MAST3: variants seen among roughly 807,000 people sequenced by gnomAD.
The protein encoded by MAST3 is microtubule-associated serine/threonine-protein kinase 3.
In MAST3, 43 loss-of-function variants were observed where a neutral mutation model predicts 127.0. The observed-to-expected ratio is 0.34, with a 90% CI of 0.27 to 0.44. The LOEUF (loss-of-function observed/expected upper bound fraction) is 0.44, where lower values mean the gene tolerates loss of function less well. Ranked by LOEUF, MAST3 falls within the 20% of genes least tolerant of loss-of-function variation. MAST3 has a pLI of 1.00. For missense variants in MAST3, 1,390 were observed against 1,919.1 expected, an observed-to-expected ratio of 0.72 and a Z score of 5.15; for synonymous variants, 785 against 809.2, an observed-to-expected ratio of 0.97 and a Z score of 0.51.
chr19:18,134,736 C>T, intron 16 of MAST3, 25 bp downstream of exon 16: 2 of 1,612,892 alleles, frequency 1.2e-6, no homozygotes, highest in South Asian at 2.2e-5. Context: ...GGGTGGGCAG[C>T]CCCGGGATGC....
intron 1 of MAST3, among the ~76,000 whole-genome samples, chr19:18,101,365 C>A (rs1392649876): frequency 2.4e-5 from 3 of 123,240 alleles, no homozygotes. Flanking sequence ...TCCTCCTTCT[C>A]CTTCTCCTCC....
At chr19:18,099,118 G>T (rs1030839366) in intron 1 of MAST3, among the ~76,000 whole-genome samples, 2 of 151,736 alleles carry the variant, frequency 1.3e-5, no homozygotes, top group East Asian at 3.9e-4. Flanking sequence ...GGTTGAGGGG[G>T]TGAGAGGAAT....
In MAST3 at chr19:18,146,884, G is replaced by A. The variant is rs556258893; in HGVS notation, c.3166G>A (p.Gly1056Ser). 73 of 1,552,246 alleles carry A rather than the reference G, an allele frequency of 4.7e-5. No homozygotes were observed. The South Asian group carries it at 5.6e-4, about 12-fold the overall frequency. The stretch of plus-strand genomic sequence containing the variant: ...CCCCTCACCATCCCTCCCGCAGAGC[G>A]GCAACAAGATATCCCTGCGGACCAC... Reference protein sequence around the residue: ...MDVVELLLKSGNKISLRTTAL... With the variant: ...MDVVELLLKSSNKISLRTTAL... Residue 1056 changes from glycine (G) to serine (S), a missense_variant, in exon 26 of 28, where the codon GGC (glycine) becomes AGC (serine). Physicochemically the swap from Gly to Ser is moderately conservative, Grantham distance 56. This residue lies in a region of MAST3 where 816 missense variants were observed against 934.1 expected (regional missense o/e 0.87). Transcript: ENST00000687212.
intron 1 of MAST3, among the ~76,000 whole-genome samples, chr19:18,107,141 T>A (rs1473642212): frequency 6.6e-6 from 1 of 151,638 alleles, no homozygotes; most frequent in Non-Finnish European, 1.5e-5. Flanking sequence ...TTTTAAAAAG[T>A]TTTGTAGAGA....
At chr19:18,106,990 TTTTTTTG>T (rs2038128257) in intron 1 of MAST3, among the ~76,000 whole-genome samples, 1 of 108,224 alleles carries the variant, frequency 9.2e-6, no homozygotes, top group African/African-American at 3.4e-5. Context: ...TTTTTTTTTT[TTTTTTTG>T]TAGAGACGGG....
chr19:18,142,632 G>T (rs1166072782), intron 21 of MAST3, among the ~76,000 whole-genome samples: 2 of 151,198 alleles, frequency 1.3e-5, no homozygotes, highest in Non-Finnish European at 2.9e-5. Context: ...TTACAGGCGT[G>T]AGCCAATGTG....
Position 18,150,890 on chromosome 19 carries a change from C to A in MAST3, c.*1164C>A, listed in dbSNP as rs1264750796. 1 of 152,296 alleles carries A rather than the reference C, an allele frequency of 6.6e-6. No individual in the cohort carries two copies. The highest frequency in any genetic ancestry group is 1.5e-5 in the Non-Finnish European group (1 of 68,098). The allele number at this position is 152,296 out of a possible 1,614,324, so 9.4% of individuals were successfully genotyped here. A position where few individuals can be genotyped will look rare whatever the true frequency, so the allele number is the denominator to read the frequency against. On this transcript the variant is annotated 3_prime_UTR_variant, in exon 28 of 28. Coordinates refer to ENST00000687212, the MANE Select transcript of MAST3 (RefSeq NM_001393504.1). ...ATGCTCGGCTGTCTCGGGGCACGCTCCAGTATGCCAGTCCTGCGGGATTAC... is the reference window on the plus strand; with the variant it reads ...ATGCTCGGCTGTCTCGGGGCACGCTACAGTATGCCAGTCCTGCGGGATTAC...
rs2043152634 is a variant in MAST3 at position 18,147,511 on chromosome 19, C to T, written c.3395C>T (p.Ser1132Phe). The T allele has an allele frequency of 6.2e-7, 1 of 1,612,428 alleles. No individual in the cohort carries two copies. The highest frequency in any genetic ancestry group is 8.5e-7 in the Non-Finnish European group (1 of 1,179,210). Residue 1132 changes from serine to phenylalanine, a missense_variant, in exon 27 of 28, where the codon TCC (serine) becomes TTC (phenylalanine). This residue lies in a region of MAST3 where 816 missense variants were observed against 934.1 expected (regional missense o/e 0.87). Transcript: ENST00000687212. ...CTGCACACCAGCCGCAGCTTCTCCTCCGGACTCCACCACTCACTGTCATCC... is the reference window on the plus strand; with the variant it reads ...CTGCACACCAGCCGCAGCTTCTCCTTCGGACTCCACCACTCACTGTCATCC... The part of the protein sequence containing the change: ...SVLHTSRSFS[S>F]GLHHSLSSSE...
Position 18,143,864 on chromosome 19 carries a change from C to CA in MAST3, c.2443dup (p.Met815AsnfsTer11). 1 of 1,613,968 alleles carries CA rather than the reference C, an allele frequency of 6.2e-7. No individual in the cohort carries two copies. Among genetic ancestry groups the CA allele is most frequent in the East Asian group, 2.2e-5 (1 of 44,874 alleles). ...CTCCTGAATACCATCAGCCTGGACA[C>CA]AATGCCCAAGTTTGCCTTCTCATCA... On this transcript the variant is annotated frameshift_variant, in exon 22 of 28. Coordinates refer to ENST00000687212, the MANE Select transcript of MAST3 (RefSeq NM_001393504.1). LOFTEE classifies it high-confidence loss of function.
intron 26 of MAST3, 31 bp downstream of exon 26, chr19:18,147,075 G>C: frequency 7.0e-7 from 1 of 1,436,502 alleles, no homozygotes; most frequent in Non-Finnish European, 9.2e-7. Flanking sequence ...CGGGGACTGG[G>C]GTTCTTTTTT....
chr19:18,146,043 C>T (rs1437322537), intron 25 of MAST3, among the ~76,000 whole-genome samples, 178 bp downstream of exon 25: 1 of 152,228 alleles, frequency 6.6e-6, no homozygotes, highest in Non-Finnish European at 1.5e-5. Context: ...CCCAACATCA[C>T]CCCTTAGAGC....
intron 27 of MAST3, among the ~76,000 whole-genome samples, chr19:18,148,964 G>C (rs979332016): frequency 2.0e-5 from 3 of 151,998 alleles, no homozygotes; most frequent in Admixed American, 2.0e-4. Flanking sequence ...TCAGGAGGCT[G>C]AGTTGTGAGG....
intron 3 of MAST3, among the ~76,000 whole-genome samples, chr19:18,121,033 T>C (rs2039910334): frequency 6.6e-6 from 1 of 151,710 alleles, no homozygotes; most frequent in Non-Finnish European, 1.5e-5. Flanking sequence ...ATTTTTGTGT[T>C]TTTAGTAGAG....
chr19:18,122,745 C>T lies in MAST3; in HGVS notation c.393C>T (p.Thr131=). The change falls in exon 6 of 28, where the codon ACC becomes ACT. Residue 131 remains threonine (T), a synonymous_variant. Transcript: ENST00000687212. The part of the protein sequence containing the change: ...SGYGTNTPSS[T]LSSSSSSRER... Reference sequence around the variant, plus strand: ...ATGGAACCAACACACCCAGCTCCACCCTCTCGGTACCCATAGCCCCACCTT... The same window carrying T: ...ATGGAACCAACACACCCAGCTCCACTCTCTCGGTACCCATAGCCCCACCTT... 1.9e-6 allele frequency: 3 copies of T among 1,613,052 alleles called. No individual in the cohort carries two copies. The highest frequency in any genetic ancestry group is 1.3e-5 in the African/African-American group (1 of 75,034).
Position 18,149,242 on chromosome 19 carries a change from C to T in MAST3, c.3560C>T (p.Ser1187Phe). 1 of 1,559,108 alleles carries T rather than the reference C, an allele frequency of 6.4e-7. No homozygotes were observed. The highest frequency in any genetic ancestry group is 2.5e-5 in the East Asian group (1 of 39,314). The change falls in exon 28 of 28, where the codon TCC (serine) becomes TTC (phenylalanine). Residue 1187 changes from serine (S) to phenylalanine (F), a missense_variant. Ser to Phe is a radical substitution (Grantham distance 155). Coordinates refer to ENST00000687212, the MANE Select transcript of MAST3 (RefSeq NM_001393504.1). This position sits in a 1 kb window ranked among gnomAD's most constrained non-coding sequence, Gnocchi z 5.9. The stretch of plus-strand genomic sequence containing the variant: ...TCCCCGAGCTCCAGCAGCCCCGCCT[C>T]CCCAGCTGCTGCTGGCCACACCCGC... Reference protein sequence around the residue: ...SASPSSSSPASPAAAGHTRPS... With the variant: ...SASPSSSSPAFPAAAGHTRPS...
intron 3 of MAST3, among the ~76,000 whole-genome samples, chr19:18,113,930 C>G (rs1432935618): frequency 6.6e-6 from 1 of 152,238 alleles, no homozygotes; most frequent in Non-Finnish European, 1.5e-5. Context: ...CTATCCATCT[C>G]CCCGTCGCTC....
In MAST3 at chr19:18,122,849, A is replaced by G. The variant is rs82555; in HGVS notation, c.399+98A>G. The G allele has an allele frequency of 0.016, 20,375 of 1,294,990 alleles. 2,245 individuals are homozygous for G. The African/African-American group carries it at 0.25, about 16-fold the overall frequency. The allele number at this position is 1,294,990 out of a possible 1,614,324, so 80.2% of individuals were successfully genotyped here. Reference sequence around the variant, plus strand: ...TTTTCAAGGTGTTGGATAGTTGTGCAGTCAGCAAACATACTAGTTACTTCC... The same window carrying G: ...TTTTCAAGGTGTTGGATAGTTGTGCGGTCAGCAAACATACTAGTTACTTCC... On this transcript the variant is annotated intron_variant, in intron 6 of 27. Coordinates refer to ENST00000687212, the MANE Select transcript of MAST3 (RefSeq NM_001393504.1).
At chr19:18,146,319 C>A (rs1338815274) in intron 25 of MAST3, among the ~76,000 whole-genome samples, 9 of 152,166 alleles carry the variant, frequency 5.9e-5, no homozygotes, top group African/African-American at 2.2e-4. Context: ...GTGGCATGCG[C>A]CTATAGTCCT....
In MAST3 at chr19:18,110,901, T is replaced by G. The variant is rs1386479618; in HGVS notation, c.161+160T>G. Among the ~76,000 whole-genome samples, 1 of 152,162 alleles carries G rather than the reference T, an allele frequency of 6.6e-6. No individual in the cohort carries two copies. Among genetic ancestry groups the G allele is most frequent in the South Asian group, 2.1e-4 (1 of 4,798 alleles). ...CTCCACATAATGGCACTGCGATACG[T>G]TCTAGGGGCTTAATGGGAAAATTCC... On this transcript the variant is annotated intron_variant, in intron 3 of 27. Coordinates refer to ENST00000687212, the MANE Select transcript of MAST3 (RefSeq NM_001393504.1). This position sits in a 1 kb window ranked among gnomAD's most constrained non-coding sequence, Gnocchi z 4.3.
Sources: gnomAD v4.1 joint callset for allele counts (sites outside exome capture counted in the v4.1 genomes callset) on GRCh38, gnomAD v4.1.1 for gene constraint, gnomAD v4.1.1 regional missense constraint, Gnocchi (gnomAD v3.1) non-coding constraint, MANE v1.5 for transcripts, NCBI Gene and HGNC (gene_info 2026-07-23, HGNC 2026-07-21) for gene names.